OR56A3: variants seen among roughly 807,000 people sequenced by gnomAD.
The protein encoded by OR56A3 is olfactory receptor family 56 subfamily A member 3.
In OR56A3, 23 loss-of-function variants were observed where a neutral mutation model predicts 17.5. The observed-to-expected ratio is 1.32, with a 90% CI of 0.95 to 1.87. The LOEUF (loss-of-function observed/expected upper bound fraction) is 1.87. Ranked by LOEUF, OR56A3 falls within the 40% of genes most tolerant of loss-of-function variation. OR56A3 has a pLI of 0.00. For missense variants in OR56A3, 366 were observed against 380.1 expected (o/e 0.96, Z 0.31); for synonymous variants, 175 against 150.6 (o/e 1.16, Z -1.19).
chr11:6,010,663 T>G, the OR56A3 span, among the ~76,000 whole-genome samples: 1 of 152,320 alleles, frequency 6.6e-6, no homozygotes, highest in African/African-American at 2.4e-5. Context: ...TTACCCAGCC[T>G]CAGGTAGTTT....
the OR56A3 span, among the ~76,000 whole-genome samples, chr11:5,958,783 G>A: frequency 6.6e-6 from 1 of 151,912 alleles, no homozygotes. Flanking sequence ...CTCTTCTAAT[G>A]CCCTCCTCCT....
In OR56A3 at chr11:5,947,310, G is replaced by A. The variant is rs142409098; in HGVS notation, c.-36-1G>A. ...GCTAGTTTGTAATCATAATTTTCCA[G>A]ATCACTGAAAGAAAGCAGTAAAATA... On this transcript the variant is annotated splice_acceptor_variant, in intron 2 of 2. Transcript: ENST00000641160. LOFTEE classifies it low-confidence loss of function (5UTR_SPLICE). 5.0e-5 allele frequency: 75 copies of A among 1,510,836 alleles called. No individual in the cohort carries two copies. The Admixed American group carries it at 5.4e-4, about 11-fold the overall frequency. 93.6% of individuals were successfully genotyped at this position (1,510,836 alleles called of 1,614,324 possible).
chr11:5,976,855 G>A, the OR56A3 span, among the ~76,000 whole-genome samples: 2 of 152,042 alleles, frequency 1.3e-5, no homozygotes, highest in Non-Finnish European at 2.9e-5. Context: ...ATGGTTTTTT[G>A]ACCCTCACCC....
At chr11:6,001,436 T>C in the OR56A3 span, 1 of 152,234 alleles carries the variant, frequency 6.6e-6, no homozygotes, top group Non-Finnish European at 1.5e-5. Flanking sequence ...TAGAAAACGC[T>C]GCCCTCAGAG....
the OR56A3 span, among the ~76,000 whole-genome samples, chr11:5,960,653 G>T: frequency 6.6e-6 from 1 of 152,206 alleles, no homozygotes; most frequent in Non-Finnish European, 1.5e-5. Context: ...CCAAAGTGCT[G>T]AGATTGCAGC....
At chr11:5,974,158 G>A in the OR56A3 span, among the ~76,000 whole-genome samples, 2 of 147,980 alleles carry the variant, frequency 1.4e-5, no homozygotes, top group East Asian at 4.0e-4. Flanking sequence ...CCAGGCTGGT[G>A]TGCAGTGGCA....
chr11:5,992,287 T>C, the OR56A3 span, among the ~76,000 whole-genome samples: 1 of 152,204 alleles, frequency 6.6e-6, no homozygotes, highest in Admixed American at 6.5e-5. Flanking sequence ...TTACTTTTCC[T>C]TCTCCAACGC....
At chr11:5,987,572 A>G in the OR56A3 span, among the ~76,000 whole-genome samples, 1 of 152,208 alleles carries the variant, frequency 6.6e-6, no homozygotes, top group South Asian at 2.1e-4. Context: ...CATATTCAAC[A>G]TTGGATTAAT....
At chr11:6,015,381 C>G in the OR56A3 span, among the ~76,000 whole-genome samples, 106,862 of 151,786 alleles carry the variant, frequency 0.7, 37,887 homozygotes, top group East Asian at 0.94. Context: ...CTCAGGTATA[C>G]CTCAGGCCAC....
chr11:5,991,923 G>A, the OR56A3 span, among the ~76,000 whole-genome samples: 1 of 152,208 alleles, frequency 6.6e-6, no homozygotes. Flanking sequence ...GGCTGGAAAG[G>A]CACAGAGCTA....
the OR56A3 span, among the ~76,000 whole-genome samples, chr11:6,003,454 C>A: frequency 2.0e-5 from 3 of 152,248 alleles, no homozygotes; most frequent in African/African-American, 7.2e-5. Context: ...TATTCCAGTT[C>A]AAGTTTACAG....
chr11:6,013,029 C>T, the OR56A3 span, among the ~76,000 whole-genome samples: 107,230 of 152,112 alleles, frequency 0.7, 38,079 homozygotes, highest in East Asian at 0.94. Flanking sequence ...CCCCCAAGAG[C>T]GCAGAAAGGC....
intron 2 of OR56A3, among the ~76,000 whole-genome samples, chr11:5,945,612 T>G (rs886079561): frequency 6.6e-6 from 1 of 150,968 alleles, no homozygotes; most frequent in African/African-American, 2.4e-5. Flanking sequence ...AATTATTTCT[T>G]GGGTCTGAAG....
chr11:5,960,436 T>A, the OR56A3 span, among the ~76,000 whole-genome samples: 1 of 152,192 alleles, frequency 6.6e-6, no homozygotes, highest in Non-Finnish European at 1.5e-5. Flanking sequence ...GTTGTCGTAT[T>A]TTTTGGTGGA....
chr11:5,983,168 T>G, the OR56A3 span, among the ~76,000 whole-genome samples: 3 of 152,202 alleles, frequency 2.0e-5, no homozygotes, highest in Non-Finnish European at 4.4e-5. Context: ...TTCTAAATTC[T>G]TAAGTTGTTA....
chr11:5,961,777 G>T, the OR56A3 span, among the ~76,000 whole-genome samples: 1,617 of 148,814 alleles, frequency 0.011, 30 homozygotes, highest in African/African-American at 0.038. Context: ...AAAAGAAAGC[G>T]ATTGCATTGA....
the OR56A3 span, among the ~76,000 whole-genome samples, chr11:5,963,915 TC>T: frequency 4.7e-3 from 712 of 152,214 alleles, 8 homozygotes; most frequent in African/African-American, 0.017. Flanking sequence ...TTCTCCTCTG[TC>T]TATATATTTT....
chr11:5,956,172 C>T (rs1437208857), downstream of OR56A3, among the ~76,000 whole-genome samples: 1 of 152,036 alleles, frequency 6.6e-6, no homozygotes, highest in Non-Finnish European at 1.5e-5. Flanking sequence ...AATTGTTGGC[C>T]AAAGATGTAT....
At position 5,947,927 on chromosome 11, in the gene OR56A3, A is replaced by G. The variant is rs748584174; in HGVS notation, c.581A>G (p.Asp194Gly). Reference protein sequence around the residue: ...ANMSVSRLSCDDVTINHLYQF... With the variant: ...ANMSVSRLSCGDVTINHLYQF... Reference sequence around the variant, plus strand: ...ATGTCTGTTTCCAGACTCTCCTGCGATGATGTCACCATCAATCACCTTTAC... The same window carrying G: ...ATGTCTGTTTCCAGACTCTCCTGCGGTGATGTCACCATCAATCACCTTTAC... Residue 194 changes from aspartate to glycine, a missense_variant, in exon 3 of 3, where the codon GAT (aspartate) becomes GGT (glycine). By Grantham distance (94) the Asp-to-Gly change is moderately conservative. Coordinates refer to ENST00000641160, the MANE Select transcript of OR56A3 (RefSeq NM_001003443.3). 1.7e-5 allele frequency: 27 copies of G among 1,614,028 alleles called. No individual in the cohort carries two copies. The South Asian group carries it at 2.4e-4, about 14-fold the overall frequency.
Sources: gnomAD v4.1 joint callset for allele counts (sites outside exome capture counted in the v4.1 genomes callset) on GRCh38, gnomAD v4.1.1 for gene constraint, MANE v1.5 for transcripts, NCBI Gene and HGNC (gene_info 2026-07-23, HGNC 2026-07-21) for gene names.